Variants in CPXM2 observed in about 807,000 individuals in gnomAD.
The protein encoded by CPXM2 is inactive carboxypeptidase-like protein X2.
A neutral mutation model predicts 86.1 loss-of-function variants in CPXM2; 66 were observed. That is an observed-to-expected ratio of 0.77 (90% confidence interval 0.63 to 0.94). CPXM2 has a LOEUF of 0.94. Among genes scored for constraint, CPXM2 ranks in the 40% least tolerant of loss-of-function variants. CPXM2 has a pLI of 0.00. For synonymous variants in CPXM2, 388 were observed against 400.2 expected (o/e 0.97, Z 0.36); for missense variants, 948 against 1,026.3 (o/e 0.92, Z 1.04).
At chr10:123,871,799 T>C (rs572814285) in intron 2 of CPXM2, among the ~76,000 whole-genome samples, 22 of 152,302 alleles carry the variant, frequency 1.4e-4, no homozygotes, top group African/African-American at 5.1e-4. Flanking sequence ...AAGTGGGATA[T>C]TCACTATGCA....
intron 4 of CPXM2, among the ~76,000 whole-genome samples, chr10:123,829,744 T>C (rs561902874): frequency 6.6e-6 from 1 of 152,214 alleles, no homozygotes; most frequent in South Asian, 2.1e-4. Flanking sequence ...GAGAAAGAAC[T>C]AAGTCCATGG....
At chr10:123,826,234 A>G (rs1219703) in intron 4 of CPXM2, among the ~76,000 whole-genome samples, 97,517 of 151,914 alleles carry the variant, frequency 0.64, 33,920 homozygotes, top group Non-Finnish European at 0.77. Context: ...CCCTTCAATG[A>G]CAGGAAGACA....
intron 2 of CPXM2, among the ~76,000 whole-genome samples, chr10:123,924,221 T>C (rs1033486052): frequency 6.6e-6 from 1 of 152,078 alleles, no homozygotes. Flanking sequence ...CTACCTAGAG[T>C]TGGTGCAGGC....
chr10:123,891,819 G>GGGGAT, upstream of CPXM2: 2 of 269,132 alleles, frequency 7.4e-6, no homozygotes, highest in Non-Finnish European at 1.2e-5. The surrounding 1 kb of genome is among the most constrained non-coding windows in gnomAD (Gnocchi z 5.6). Context: ...ACCGGCCCGC[G>GGGGAT]GGGCTGGGCT....
At chr10:123,909,905 GTCCCT>G (rs1187801095) in intron 2 of CPXM2, among the ~76,000 whole-genome samples, 1 of 152,150 alleles carries the variant, frequency 6.6e-6, no homozygotes, top group African/African-American at 2.4e-5. Context: ...CCAACATTTA[GTCCCT>G]CCATGCTGAT....
At chr10:123,811,225 T>A (rs1361336804) in intron 4 of CPXM2, among the ~76,000 whole-genome samples, 1 of 152,048 alleles carries the variant, frequency 6.6e-6, no homozygotes, top group African/African-American at 2.4e-5. Context: ...TGTATACATG[T>A]GCCATGTTGG....
rs151066857 is a variant in CPXM2 at position 123,801,655 on chromosome 10, CTTATT to C, written c.654-2461_654-2457del. Among the ~76,000 whole-genome samples the C allele has an allele frequency of 5.3e-3, 807 of 152,294 alleles. 9 individuals carry two copies. Among genetic ancestry groups the C allele is most frequent in the African/African-American group, 0.018 (752 of 41,562 alleles). On this transcript the variant is annotated intron_variant, in intron 4 of 13. Transcript: ENST00000241305. ...CATGTCATCCCTGCTTAAAATAGCT[CTTATT>C]TTAAGTATTCTTATATTAAATATTG...
intron 4 of CPXM2, among the ~76,000 whole-genome samples, chr10:123,835,854 C>T (rs140506038): frequency 1.8e-3 from 267 of 152,290 alleles, no homozygotes; most frequent in African/African-American, 5.9e-3. Context: ...GAGGCCGGGA[C>T]GATGCCTCAG....
rs545184023 is a variant in CPXM2 at position 123,842,277 on chromosome 10, C to T, written c.653+72G>A. ...AAACACCTCTCTGCAACTTCCAGAC[C>T]TGTGTCTGTCCAGACCCTCAAAAGC... On this transcript the variant is annotated intron_variant, in intron 4 of 13. Transcript: ENST00000241305. 12 of 1,584,036 alleles carry T rather than the reference C, an allele frequency of 7.6e-6. No individual in the cohort carries two copies. In the South Asian group the frequency reaches 1.2e-4, roughly 16 times the overall value.
At chr10:123,878,537 G>T (rs1350402539) in intron 2 of CPXM2, among the ~76,000 whole-genome samples, 2 of 149,762 alleles carry the variant, frequency 1.3e-5, no homozygotes, top group Non-Finnish European at 3.0e-5. Flanking sequence ...GTGTGTGTGT[G>T]TGTGTGTGTA....
intron 11 of CPXM2, among the ~76,000 whole-genome samples, chr10:123,758,758 C>A (rs1004237285): frequency 5.3e-5 from 8 of 152,154 alleles, no homozygotes; most frequent in Admixed American, 3.9e-4. Context: ...CTGCACTCTG[C>A]GCGACTCACC....
intron 7 of CPXM2, among the ~76,000 whole-genome samples, chr10:123,774,636 C>A (rs562188534): frequency 6.6e-6 from 1 of 152,264 alleles, no homozygotes; most frequent in East Asian, 1.9e-4. Flanking sequence ...GCAGCCTTGA[C>A]TGGGAATTCA....
At chr10:123,768,274 A>T (rs1004448864) in intron 9 of CPXM2, among the ~76,000 whole-genome samples, 5 of 152,106 alleles carry the variant, frequency 3.3e-5, no homozygotes, top group Non-Finnish European at 5.9e-5. Flanking sequence ...GCTACTTAGG[A>T]GGCTGAGGCA....
chr10:123,798,606 G>A (rs1336648343), intron 5 of CPXM2, among the ~76,000 whole-genome samples: 1 of 152,140 alleles, frequency 6.6e-6, no homozygotes, highest in Non-Finnish European at 1.5e-5. Flanking sequence ...GTGTGTAGGG[G>A]GTAAGAATGA....
chr10:123,934,992 G>A (rs898182640), intron 2 of CPXM2, among the ~76,000 whole-genome samples: 2 of 152,152 alleles, frequency 1.3e-5, no homozygotes, highest in Non-Finnish European at 2.9e-5. Context: ...ACCTAGCCAG[G>A]AAGTTCTTAG....
At chr10:123,874,772 G>A (rs1440054144) in intron 2 of CPXM2, among the ~76,000 whole-genome samples, 1 of 152,150 alleles carries the variant, frequency 6.6e-6, no homozygotes, top group East Asian at 1.9e-4. Context: ...CTTGTCATGG[G>A]GATTCTGGGG....
intron 2 of CPXM2, among the ~76,000 whole-genome samples, chr10:123,912,640 G>A (rs1474136146): frequency 6.6e-6 from 1 of 152,202 alleles, no homozygotes; most frequent in East Asian, 1.9e-4. Context: ...TTGGGAGCAT[G>A]GAAGTGTGAA....
At chr10:123,877,635 C>T (rs1945008606) in intron 2 of CPXM2, among the ~76,000 whole-genome samples, 1 of 152,196 alleles carries the variant, frequency 6.6e-6, no homozygotes, top group Non-Finnish European at 1.5e-5. Context: ...GGCTCATGGA[C>T]CAGCCCAAAG....
intron 4 of CPXM2, among the ~76,000 whole-genome samples, chr10:123,804,106 G>A (rs947190422): frequency 9.2e-5 from 14 of 152,130 alleles, no homozygotes; most frequent in African/African-American, 3.4e-4. Context: ...ATTCTGTTCT[G>A]TTGGTCTACT....
Sources: allele counts gnomAD v4.1 joint callset (sites outside exome capture counted in the v4.1 genomes callset), GRCh38; gene constraint gnomAD v4.1.1; non-coding constraint Gnocchi (gnomAD v3.1); transcripts MANE v1.5; gene names NCBI Gene and HGNC (gene_info 2026-07-23, HGNC 2026-07-21).